KDELR3: variants seen among roughly 807,000 people sequenced by gnomAD.
KDELR3 encodes the protein ER lumen protein-retaining receptor 3.
KDELR3 carries 26 observed loss-of-function variants against 22.7 expected under a neutral mutation model. The ratio of observed to expected loss-of-function variants is 1.15; its 90% CI spans 0.84 to 1.59. The LOEUF (loss-of-function observed/expected upper bound fraction) is 1.59, where lower values mean the gene tolerates loss of function less well. Among genes scored for constraint, KDELR3 ranks in the 40% most tolerant of loss-of-function variants. The probability of loss-of-function intolerance (pLI) is 0.00; values close to 1 mark genes in which losing one functional copy is unlikely to be tolerated. For synonymous variants in KDELR3, 120 were observed against 98.2 expected, an observed-to-expected ratio of 1.22 and a Z score of -1.31; for missense variants, 289 against 251.1, an observed-to-expected ratio of 1.15 and a Z score of -1.02.
chr22:38,471,305 C>T (rs1370454025), intron 1 of KDELR3, among the ~76,000 whole-genome samples: 3 of 152,198 alleles, frequency 2.0e-5, no homozygotes, highest in Non-Finnish European at 4.4e-5. Context: ...ACCAGGGCTG[C>T]CTCCCAGGCA....
intron 3 of KDELR3, 61 bp from the exon 4 acceptor site, chr22:38,481,151 C>G: frequency 7.0e-7 from 1 of 1,426,992 alleles, no homozygotes; most frequent in African/African-American, 1.4e-5. Flanking sequence ...TAATTATGTT[C>G]TTTTAAGATG....
At chr22:38,476,821 G>GCC (rs796304280) in intron 2 of KDELR3, among the ~76,000 whole-genome samples, 3 of 147,758 alleles carry the variant, frequency 2.0e-5, no homozygotes, top group African/African-American at 7.6e-5. Flanking sequence ...ACCACACCTG[G>GCC]CCCCCCCTTT....
rs138636593 is a variant in KDELR3, at chr22:38,476,259, G to A, written c.192+1636G>A. The stretch of plus-strand genomic sequence containing the variant: ...TTTTGAGACGGAGTCTCGCTCTGTC[G>A]CCCAGGCTGGAGTGCAGTGGGGCAA... On this transcript the variant is annotated intron_variant, in intron 2 of 4. Transcript: ENST00000216014. Among the ~76,000 whole-genome samples, 1,416 of 151,320 alleles carry A rather than the reference G, an allele frequency of 9.4e-3. 20 individuals are homozygous for A. The highest frequency in any genetic ancestry group is 0.033 in the African/African-American group (1,353 of 41,252).
intron 4 of KDELR3, among the ~76,000 whole-genome samples, chr22:38,481,876 T>C (rs767746864): frequency 6.6e-6 from 1 of 152,198 alleles, no homozygotes; most frequent in Non-Finnish European, 1.5e-5. Flanking sequence ...TGGCCCACAC[T>C]GAAGAATTGT....
chr22:38,475,509 A>G (rs929620942), intron 2 of KDELR3, among the ~76,000 whole-genome samples: 3 of 152,182 alleles, frequency 2.0e-5, no homozygotes, highest in Admixed American at 6.5e-5. Context: ...GTGATAGAGA[A>G]GGATTAGAGA....
chr22:38,476,519 G>A (rs1292962364), intron 2 of KDELR3, among the ~76,000 whole-genome samples: 3 of 150,720 alleles, frequency 2.0e-5, no homozygotes, highest in Admixed American at 6.6e-5. Context: ...CGCCCGGCCA[G>A]GAGTCTTCTT....
intron 2 of KDELR3, among the ~76,000 whole-genome samples, chr22:38,475,156 A>G (rs931229543): frequency 1.2e-4 from 18 of 151,750 alleles, no homozygotes; most frequent in South Asian, 2.1e-4. Context: ...ATTAAATGAG[A>G]TAATAAATGT....
In KDELR3 at chr22:38,482,759, CAA is replaced by C. The variant is rs1270065283; in HGVS notation, c.*225_*226del. 9.3e-6 allele frequency: 5 copies of C among 539,376 alleles called. No individual in the cohort carries two copies. Among genetic ancestry groups the C allele is most frequent in the African/African-American group, 1.9e-5 (1 of 52,410 alleles). The allele number at this position is 539,376 out of a possible 1,614,324, so 33.4% of individuals were successfully genotyped here. The stretch of plus-strand genomic sequence containing the variant: ...TCATAAAAAACCTCGGCCACCTGCA[CAA>C]AGATGGTGCCTCACTGCAACAAGAA... On this transcript the variant is annotated 3_prime_UTR_variant, in exon 5 of 5. Coordinates refer to ENST00000216014, the MANE Select transcript of KDELR3 (RefSeq NM_006855.4).
At chr22:38,474,226 TC>T in intron 1 of KDELR3, 1 of 280,288 alleles carries the variant, frequency 3.6e-6, no homozygotes, top group East Asian at 9.1e-5. Context: ...CCCGACATCC[TC>T]CCCAGAGCAA....
Position 38,479,730 on chromosome 22 carries a change from C to A in KDELR3, c.330C>A (p.Asn110Lys), listed in dbSNP as rs201618436. 1.9e-6 allele frequency: 3 copies of A among 1,614,184 alleles called. No individual in the cohort carries two copies. In the East Asian group the frequency reaches 6.7e-5, roughly 36 times the overall value. Residue 110 changes from asparagine to lysine, a missense_variant, in exon 3 of 5, where the codon AAC becomes AAA. Coordinates refer to ENST00000216014, the MANE Select transcript of KDELR3 (RefSeq NM_006855.4). ...TCATTGGCCTTTCCTTCCTTGAAAA[C>A]TACAGTTTCACTCTGCTGGAGGTAA... ...VPVIGLSFLE[N>K]YSFTLLEILW...
At chr22:38,477,130 A>C (rs1939919502) in intron 2 of KDELR3, among the ~76,000 whole-genome samples, 1 of 134,348 alleles carries the variant, frequency 7.4e-6, no homozygotes, top group African/African-American at 2.8e-5. Flanking sequence ...CATGTTAGCC[A>C]GGATGGTCTC....
intron 2 of KDELR3, 118 bp from the exon 3 acceptor site, chr22:38,479,475 C>T: frequency 1.1e-6 from 1 of 931,920 alleles, no homozygotes. Flanking sequence ...CACATTTAAC[C>T]TCTTCATGTT....
At chr22:38,480,592 GA>G (rs895001928) in intron 3 of KDELR3, among the ~76,000 whole-genome samples, 23 of 145,938 alleles carry the variant, frequency 1.6e-4, no homozygotes, top group East Asian at 9.9e-4. Context: ...CTGAAAAATA[GA>G]AAAAAAAAAA....
intron 1 of KDELR3, among the ~76,000 whole-genome samples, chr22:38,473,432 C>A (rs1157002873): frequency 6.8e-6 from 1 of 146,814 alleles, no homozygotes; most frequent in African/African-American, 2.4e-5. Flanking sequence ...CAGAGTAAGA[C>A]CCTTTCTCTA....
intron 2 of KDELR3, among the ~76,000 whole-genome samples, chr22:38,476,828 CTTT>C (rs1256274094): frequency 7.3e-5 from 10 of 137,786 alleles, no homozygotes; most frequent in East Asian, 2.1e-4. Flanking sequence ...CTGGCCCCCC[CTTT>C]TTTTTTTTTT....
At chr22:38,472,543 TGGATTCCGGGATGGAATCCA>T (rs1362502479) in intron 1 of KDELR3, among the ~76,000 whole-genome samples, 1 of 152,070 alleles carries the variant, frequency 6.6e-6, no homozygotes, top group Non-Finnish European at 1.5e-5. Context: ...AAATGCAGCA[TGGATTCCGGGATGGAATCCA>T]GGAATGGAAA....
At chr22:38,469,616 G>T (rs915572931) in intron 1 of KDELR3, among the ~76,000 whole-genome samples, 3 of 152,084 alleles carry the variant, frequency 2.0e-5, no homozygotes, top group Non-Finnish European at 2.9e-5. Flanking sequence ...CTGAGTGGGG[G>T]ACCCGGAGCA....
intron 3 of KDELR3, among the ~76,000 whole-genome samples, chr22:38,480,142 T>A (rs1179796335): frequency 6.6e-6 from 1 of 152,146 alleles, no homozygotes; most frequent in Non-Finnish European, 1.5e-5. Context: ...TGGACATGAC[T>A]AATTTTTTAT....
At chr22:38,479,066 G>A (rs2089580309) in intron 2 of KDELR3, among the ~76,000 whole-genome samples, 1 of 152,074 alleles carries the variant, frequency 6.6e-6, no homozygotes, top group Admixed American at 6.6e-5. Context: ...TTTTCTGAAG[G>A]AGCAATGGTC....
Sources: gnomAD v4.1 joint callset for allele counts (sites outside exome capture counted in the v4.1 genomes callset) on GRCh38, gnomAD v4.1.1 for gene constraint, MANE v1.5 for transcripts, NCBI Gene and HGNC (gene_info 2026-07-23, HGNC 2026-07-21) for gene names.